The following APAF1 variants were observed in gnomAD, a reference collection of about 807,000 sequenced individuals.
APAF1 encodes apoptotic peptidase activating factor 1.
In APAF1, 91 loss-of-function variants were observed where a neutral mutation model predicts 152.4. That is an observed-to-expected ratio of 0.60 (90% CI 0.50 to 0.71). The LOEUF is 0.71. Among genes scored for constraint, APAF1 ranks in the 30% least tolerant of loss-of-function variants. APAF1 has a pLI of 0.00. For synonymous variants in APAF1, 484 were observed against 494.1 expected (o/e 0.98, Z 0.27); for missense variants, 1,283 against 1,472.0 (o/e 0.87, Z 2.10).
At chr12:98,661,580 G>A (rs2097665460) in intron 5 of APAF1, among the ~76,000 whole-genome samples, 1 of 151,942 alleles carries the variant, frequency 6.6e-6, no homozygotes, top group Non-Finnish European at 1.5e-5. Context: ...GGGTTCAAGC[G>A]ATTCTCTGCC....
chr12:98,677,534 G>A lies in APAF1; in HGVS notation c.1903G>A (p.Ala635Thr). The change falls in exon 13 of 27, where the codon GCT becomes ACT. Residue 635 changes from alanine (A) to threonine (T), a missense_variant. Ala to Thr is a moderately conservative substitution (Grantham distance 58, BLOSUM62 0). Transcript: ENST00000551964. Reference protein sequence around the residue: ...EDGQRIASCGADKTLQVFKAE... With the variant: ...EDGQRIASCGTDKTLQVFKAE... ...TGGTCAGAGAATAGCTTCTTGTGGA[G>A]CTGATAAAACCTTACAGGTAAAACA... 1 of 1,614,178 alleles carries A rather than the reference G, an allele frequency of 6.2e-7. No individual in the cohort carries two copies. The highest frequency in any genetic ancestry group is 1.1e-5 in the South Asian group (1 of 91,088).
At chr12:98,696,376 C>T (rs1470054486) in intron 16 of APAF1, among the ~76,000 whole-genome samples, 1 of 152,146 alleles carries the variant, frequency 6.6e-6, no homozygotes, top group Non-Finnish European at 1.5e-5. Flanking sequence ...GAGAACTAAT[C>T]CATTCCCAGG....
At chr12:98,682,468 G>A (rs1376753825) in intron 14 of APAF1, among the ~76,000 whole-genome samples, 2 of 152,164 alleles carry the variant, frequency 1.3e-5, no homozygotes, top group Non-Finnish European at 2.9e-5. Context: ...TGTCGATCCC[G>A]TTTACAGAAG....
intron 20 of APAF1, 148 bp downstream of exon 20, chr12:98,708,852 T>C (rs1327424420): frequency 8.1e-6 from 6 of 736,500 alleles, no homozygotes; most frequent in Non-Finnish European, 1.3e-5. Flanking sequence ...TATATATAAG[T>C]CTTGAGCTGA....
intron 22 of APAF1, among the ~76,000 whole-genome samples, chr12:98,719,191 C>T (rs1194198232): frequency 6.6e-6 from 1 of 152,152 alleles, no homozygotes; most frequent in Admixed American, 6.5e-5. Flanking sequence ...TTGCACTTTT[C>T]GGTGAACACT....
At position 98,648,420 on chromosome 12, in the gene APAF1, A is replaced by G. The variant is rs868444063; in HGVS notation, c.61A>G (p.Lys21Glu). 3.1e-6 allele frequency: 5 copies of G among 1,614,108 alleles called. No individual in the cohort carries two copies. The highest frequency in any genetic ancestry group is 1.7e-4 in the Middle Eastern group (1 of 6,060). ...TAGAGAAGCTCTGGAAAAGGACATC[A>G]AGACATCCTACATCATGGATCACAT... The part of the protein sequence containing the change: ...QHREALEKDI[K>E]TSYIMDHMIS... Residue 21 changes from lysine to glutamate, a missense_variant, in exon 2 of 27, where the codon AAG becomes GAG. Transcript: ENST00000551964.
chr12:98,671,894 A>AT (rs2153320102), intron 12 of APAF1, among the ~76,000 whole-genome samples, 175 bp downstream of exon 12: 1 of 152,326 alleles, frequency 6.6e-6, no homozygotes, highest in East Asian at 1.9e-4. Context: ...GGAGAAAATG[A>AT]TTGTATTTTC....
At chr12:98,677,892 G>C (rs957589165) in intron 13 of APAF1, among the ~76,000 whole-genome samples, 3 of 152,118 alleles carry the variant, frequency 2.0e-5, no homozygotes, top group African/African-American at 7.2e-5. Context: ...ACAGTGATTA[G>C]GAAAATACCT....
At chr12:98,700,795 TG>T (rs1408538947) in intron 17 of APAF1, among the ~76,000 whole-genome samples, 2 of 152,200 alleles carry the variant, frequency 1.3e-5, no homozygotes, top group African/African-American at 4.8e-5. Context: ...GCTAGACCTT[TG>T]TAATCTCTAA....
chr12:98,697,744 G>A (rs763529331), intron 16 of APAF1, among the ~76,000 whole-genome samples: 8 of 152,190 alleles, frequency 5.3e-5, no homozygotes, highest in Admixed American at 1.3e-4. Flanking sequence ...CAGAGGTCCT[G>A]CAAAATGATG....
chr12:98,706,807 A>G (rs1227476115), intron 19 of APAF1, among the ~76,000 whole-genome samples, 197 bp downstream of exon 19: 1 of 152,218 alleles, frequency 6.6e-6, no homozygotes. Flanking sequence ...GAGGATTACC[A>G]TGGGCCAAGT....
chr12:98,714,114 T>C (rs2097731260), intron 21 of APAF1, among the ~76,000 whole-genome samples: 1 of 152,244 alleles, frequency 6.6e-6, no homozygotes, highest in South Asian at 2.1e-4. Flanking sequence ...TGTTGTGTAT[T>C]ATTATTTATT....
intron 26 of APAF1, among the ~76,000 whole-genome samples, chr12:98,727,966 A>T (rs138619900): frequency 0.027 from 3,935 of 147,928 alleles, 54 homozygotes; most frequent in South Asian, 0.036. Context: ...ATAAATAAAT[A>T]AATTAATTAA....
At chr12:98,711,228 A>C (rs1593099250) in intron 20 of APAF1, among the ~76,000 whole-genome samples, 1 of 152,182 alleles carries the variant, frequency 6.6e-6, no homozygotes, top group East Asian at 1.9e-4. Flanking sequence ...TAGTGTCCTC[A>C]TGCTTGTATT....
intron 16 of APAF1, among the ~76,000 whole-genome samples, chr12:98,689,264 G>T (rs778129494): frequency 1.3e-5 from 2 of 152,106 alleles, no homozygotes. Context: ...TACCTTAATT[G>T]TCTGTTCTGG....
chr12:98,732,671 C>T lies in APAF1; in HGVS notation c.*105C>T. On this transcript the variant is annotated 3_prime_UTR_variant, in exon 27 of 27. Transcript: ENST00000551964. Reference sequence around the variant, plus strand: ...TTTTATAAAGCTCTTAATTGTTGTGCAGTATTGCATTCATTACAAAAGTGT... The same window carrying T: ...TTTTATAAAGCTCTTAATTGTTGTGTAGTATTGCATTCATTACAAAAGTGT... 3.9e-6 allele frequency: 3 copies of T among 766,508 alleles called. No homozygotes were observed. The highest frequency in any genetic ancestry group is 2.1e-6 in the Non-Finnish European group (1 of 469,278). The allele number at this position is 766,508 out of a possible 1,614,324, so 47.5% of individuals were successfully genotyped here.
rs368679479 is a variant in APAF1 at position 98,730,703 on chromosome 12, A to G, written c.3601-1717A>G. 5.3e-5 allele frequency among the ~76,000 whole-genome samples: 8 copies of G among 152,356 alleles called. 1 individual carries two copies. The highest frequency in any genetic ancestry group is 1.9e-4 in the East Asian group (1 of 5,186). On this transcript the variant is annotated intron_variant, in intron 26 of 26. Transcript: ENST00000551964. ...ATCTACCCAGCATGTTAATGAGACT[A>G]TCCAAAAGCACAGAGCAAATTAAAA...
At chr12:98,650,045 G>A (rs1378790414) in intron 4 of APAF1, among the ~76,000 whole-genome samples, 1 of 152,102 alleles carries the variant, frequency 6.6e-6, no homozygotes, top group Admixed American at 6.6e-5. Flanking sequence ...AGCGATCCTG[G>A]TAGGTTCTCA....
At position 98,662,498 on chromosome 12, in the gene APAF1, GA is replaced by G; in HGVS notation, c.756del (p.Ala253LeufsTer21). 1 of 1,613,580 alleles carries G rather than the reference GA, an allele frequency of 6.2e-7. No individual in the cohort carries two copies. Among genetic ancestry groups the G allele is most frequent in the Non-Finnish European group, 8.5e-7 (1 of 1,179,742 alleles). On this transcript the variant is annotated frameshift_variant, in exon 6 of 27. Coordinates refer to ENST00000551964, the MANE Select transcript of APAF1 (RefSeq NM_181861.2). LOFTEE classifies it high-confidence loss of function. Reference sequence around the variant, plus strand: ...ATGATGTTTGGGACTCTTGGGTGTTGAAAGCTTTTGACAGTCAGTGTCAGAT... The same window carrying G: ...ATGATGTTTGGGACTCTTGGGTGTTGAAGCTTTTGACAGTCAGTGTCAGAT... ...LDDVWDSWVL[K>X]AFDSQCQILL...
Sources: gnomAD v4.1 joint callset for allele counts (sites outside exome capture counted in the v4.1 genomes callset) on GRCh38, gnomAD v4.1.1 for gene constraint, MANE v1.5 for transcripts, NCBI Gene and HGNC (gene_info 2026-07-23, HGNC 2026-07-21) for gene names.